The following SUGCT variants were observed in gnomAD, a reference collection of about 807,000 sequenced individuals.
SUGCT encodes succinyl-CoA:glutarate-CoA transferase.
In SUGCT, 41 loss-of-function variants were observed where a neutral mutation model predicts 55.0. That is an observed-to-expected ratio of 0.74 (90% CI 0.58 to 0.97). The LOEUF (loss-of-function observed/expected upper bound fraction) is 0.97, where lower values mean the gene tolerates loss of function less well. Ranked by LOEUF, SUGCT falls within the 50% of genes least tolerant of loss-of-function variation. SUGCT has a pLI of 0.00. For missense variants in SUGCT, 568 were observed against 547.8 expected, an observed-to-expected ratio of 1.04 and a Z score of -0.37; for synonymous variants, 187 against 200.4, an observed-to-expected ratio of 0.93 and a Z score of 0.56.
chr7:40,327,165 A>C (rs1271730272), intron 9 of SUGCT, among the ~76,000 whole-genome samples: 3 of 152,202 alleles, frequency 2.0e-5, no homozygotes, highest in Non-Finnish European at 4.4e-5. Context: ...TTTAGTTCTA[A>C]AGTTTTTGGC....
rs1405900552 is a variant in SUGCT at position 40,724,913 on chromosome 7, T to C, written c.1090-24521T>C. Among the ~76,000 whole-genome samples the C allele has an allele frequency of 2.0e-5, 3 of 152,320 alleles. No homozygotes were observed. The East Asian group carries it at 5.8e-4, about 29-fold the overall frequency. ...AAGTAAATTCCTTTTAAACATCTATTCTGCTGCTGTAGAAGGGGACTTTGA... is the reference window on the plus strand; with the variant it reads ...AAGTAAATTCCTTTTAAACATCTATCCTGCTGCTGTAGAAGGGGACTTTGA... On this transcript the variant is annotated intron_variant, in intron 12 of 13. Transcript: ENST00000335693.
intron 9 of SUGCT, among the ~76,000 whole-genome samples, chr7:40,327,811 A>G (rs1385631684): frequency 1.3e-5 from 2 of 152,246 alleles, no homozygotes; most frequent in Non-Finnish European, 2.9e-5. Flanking sequence ...CTTAATCACT[A>G]TAATAATTAT....
chr7:40,953,571 A>G, the SUGCT span, among the ~76,000 whole-genome samples: 1 of 151,988 alleles, frequency 6.6e-6, no homozygotes, highest in Non-Finnish European at 1.5e-5. Flanking sequence ...TTTTTTCCCC[A>G]TCTTTGTGGT....
chr7:40,850,963 C>T (rs1035854588), intron 13 of SUGCT, among the ~76,000 whole-genome samples: 1 of 152,188 alleles, frequency 6.6e-6, no homozygotes, highest in Non-Finnish European at 1.5e-5. Flanking sequence ...TACTGTGTGC[C>T]TGGTACTGTT....
At position 40,188,552 on chromosome 7, in the gene SUGCT, A is replaced by G; in HGVS notation, c.284A>G (p.Tyr95Cys). 1.2e-6 allele frequency: 2 copies of G among 1,609,034 alleles called. No homozygotes were observed. Among genetic ancestry groups the G allele is most frequent in the Non-Finnish European group, 1.7e-6 (2 of 1,178,478 alleles). ...CCTTTTGTTGGGACAGAAAGTACAT[A>G]TTATCTCAGTGTTAACCGAAATAAA... is the stretch of plus-strand genomic sequence containing the variant. ...GPPFVGTEST[Y>C]YLSVNRNKKS... is the part of the protein sequence containing the mutation. The change falls in exon 4 of 14, where the codon TAT becomes TGT. Residue 95 changes from tyrosine to cysteine, a missense_variant. By Grantham distance (194) the Tyr-to-Cys change is radical (BLOSUM62 -2). Coordinates refer to ENST00000335693, the MANE Select transcript of SUGCT (RefSeq NM_001193313.2).
Position 40,715,079 on chromosome 7 carries a change from T to G in SUGCT, c.1090-34355T>G, listed in dbSNP as rs943083115. On this transcript the variant is annotated intron_variant, in intron 12 of 13. Transcript: ENST00000335693. The stretch of plus-strand genomic sequence containing the variant: ...AAGGTTGTGTATGGAAAAAAAAAAT[T>G]GTAAGGGTGTGACTTGGATTATAAA... Among the ~76,000 whole-genome samples the G allele has an allele frequency of 5.3e-5, 8 of 152,098 alleles. No homozygotes were observed. In the East Asian group the frequency reaches 1.5e-3, roughly 29 times the overall value.
At chr7:41,002,233 C>T in the SUGCT span, among the ~76,000 whole-genome samples, 3 of 152,198 alleles carry the variant, frequency 2.0e-5, no homozygotes, top group African/African-American at 4.8e-5. Flanking sequence ...ATTGTTCAGG[C>T]TGGTCTCAAA....
chr7:40,685,056 C>T (rs555960937), intron 12 of SUGCT, among the ~76,000 whole-genome samples: 1 of 151,798 alleles, frequency 6.6e-6, no homozygotes, highest in East Asian at 1.9e-4. Flanking sequence ...GGAGTTTTAC[C>T]ATGTTGGTCA....
the SUGCT span, among the ~76,000 whole-genome samples, chr7:40,894,458 T>C: frequency 1.3e-5 from 2 of 152,020 alleles, no homozygotes; most frequent in Admixed American, 1.3e-4. Flanking sequence ...AAAACAAAAA[T>C]TGACAAATGG....
At chr7:40,850,019 A>G (rs1395996311) in intron 13 of SUGCT, among the ~76,000 whole-genome samples, 2 of 152,146 alleles carry the variant, frequency 1.3e-5, no homozygotes, top group Non-Finnish European at 2.9e-5. Flanking sequence ...GGAGGTAATA[A>G]CAAGTATTTA....
chr7:40,431,158 C>T (rs1787878748), intron 9 of SUGCT, among the ~76,000 whole-genome samples: 1 of 149,714 alleles, frequency 6.7e-6, no homozygotes, highest in Non-Finnish European at 1.5e-5. Flanking sequence ...CCTGTGGATA[C>T]TGAATTTCCT....
chr7:40,763,670 C>T (rs1159514231), intron 13 of SUGCT, among the ~76,000 whole-genome samples: 2 of 152,066 alleles, frequency 1.3e-5, no homozygotes, highest in East Asian at 1.9e-4. Flanking sequence ...GAAGGAAGGG[C>T]GGTTGGCTCC....
chr7:40,272,641 GTATTATTAT>G (rs1023951710), intron 7 of SUGCT, among the ~76,000 whole-genome samples: 12 of 143,994 alleles, frequency 8.3e-5, no homozygotes, highest in South Asian at 2.2e-4. Flanking sequence ...GGATCATATG[GTATTATTAT>G]TATTATTATT....
intron 8 of SUGCT, among the ~76,000 whole-genome samples, chr7:40,286,830 T>TTGTG (rs386409973): frequency 6.6e-6 from 1 of 150,920 alleles, no homozygotes; most frequent in African/African-American, 2.4e-5. Context: ...TGTTTTTTGT[T>TTGTG]TGTTTGTTTG....
At chr7:41,033,764 C>A in the SUGCT span, among the ~76,000 whole-genome samples, 1 of 152,058 alleles carries the variant, frequency 6.6e-6, no homozygotes, top group African/African-American at 2.4e-5. Flanking sequence ...TCAGGGGGTT[C>A]CTGAGTCAGA....
chr7:40,274,404 C>A, intron 7 of SUGCT, 109 bp from the exon 8 acceptor site: 2 of 1,156,696 alleles, frequency 1.7e-6, no homozygotes, highest in Non-Finnish European at 2.4e-6. Context: ...TGTGTCTGCA[C>A]AGTTAATAGA....
At chr7:40,595,104 A>G (rs1239827635) in intron 12 of SUGCT, among the ~76,000 whole-genome samples, 1 of 152,188 alleles carries the variant, frequency 6.6e-6, no homozygotes, top group Non-Finnish European at 1.5e-5. Flanking sequence ...CAAAAAATTT[A>G]AAAATTACCC....
intron 9 of SUGCT, among the ~76,000 whole-genome samples, chr7:40,405,400 T>A (rs1443816437): frequency 6.6e-6 from 1 of 152,222 alleles, no homozygotes; most frequent in Non-Finnish European, 1.5e-5. Flanking sequence ...GCTAAGATAA[T>A]GTTTCCTTCT....
chr7:40,935,622 G>A, the SUGCT span, among the ~76,000 whole-genome samples: 1 of 152,134 alleles, frequency 6.6e-6, no homozygotes, highest in African/African-American at 2.4e-5. Flanking sequence ...CCATTGAATG[G>A]ATATACCACC....
Sources: allele counts gnomAD v4.1 joint callset (sites outside exome capture counted in the v4.1 genomes callset), GRCh38; gene constraint gnomAD v4.1.1; transcripts MANE v1.5; gene names NCBI Gene and HGNC (gene_info 2026-07-23, HGNC 2026-07-21).